Variants in DSE observed in about 807,000 individuals in gnomAD.
DSE encodes dermatan-sulfate epimerase.
In DSE, 36 loss-of-function variants were observed where a neutral mutation model predicts 84.4. That is an observed-to-expected ratio of 0.43 (90% CI 0.33 to 0.56). DSE has a LOEUF of 0.56. Among genes scored for constraint, DSE ranks in the 20% least tolerant of loss-of-function variants. The pLI is 0.06. For synonymous variants in DSE, 410 were observed against 430.1 expected (o/e 0.95, Z 0.58); for missense variants, 862 against 1,169.6 (o/e 0.74, Z 3.84).
At chr6:116,391,050 T>C (rs1345791783) in intron 1 of DSE, among the ~76,000 whole-genome samples, 1 of 152,214 alleles carries the variant, frequency 6.6e-6, no homozygotes, top group Non-Finnish European at 1.5e-5. Flanking sequence ...CCCTTCAGAC[T>C]TGACATCAGA....
At chr6:116,395,562 A>G (rs1562279063) in intron 1 of DSE, among the ~76,000 whole-genome samples, 2 of 152,180 alleles carry the variant, frequency 1.3e-5, no homozygotes, top group Admixed American at 1.3e-4. Flanking sequence ...AATTTTTGCC[A>G]TATCCATTTA....
chr6:116,298,916 A>G (rs1774826688), intron 2 of DSE, among the ~76,000 whole-genome samples: 1 of 152,178 alleles, frequency 6.6e-6, no homozygotes, highest in Non-Finnish European at 1.5e-5. Flanking sequence ...ATCGTTTTGG[A>G]TACCTCAGGC....
chr6:116,305,504 T>C (rs969565040), intron 2 of DSE, among the ~76,000 whole-genome samples: 4 of 152,220 alleles, frequency 2.6e-5, no homozygotes, highest in African/African-American at 4.8e-5. Context: ...TTAGGTCCTA[T>C]ACAAGAAAAA....
chr6:116,287,569 A>G (rs1166061467), intron 2 of DSE, among the ~76,000 whole-genome samples: 1 of 152,116 alleles, frequency 6.6e-6, no homozygotes, highest in Non-Finnish European at 1.5e-5. Flanking sequence ...TGGAAAGTTT[A>G]TTGCACATTA....
intron 2 of DSE, among the ~76,000 whole-genome samples, chr6:116,349,586 C>T (rs950195706): frequency 1.3e-5 from 2 of 152,172 alleles, no homozygotes; most frequent in Non-Finnish European, 2.9e-5. Flanking sequence ...CCCTGTTTAC[C>T]CACCTCAGAG....
At chr6:116,425,151 T>A (rs1783349835) in intron 2 of DSE, among the ~76,000 whole-genome samples, 2 of 152,242 alleles carry the variant, frequency 1.3e-5, no homozygotes, top group Non-Finnish European at 2.9e-5. Context: ...ATGTTGGTAT[T>A]TCATGCCTTA....
At chr6:116,365,522 G>C (rs912025682), upstream of DSE, among the ~76,000 whole-genome samples, 3 of 152,168 alleles carry the variant, frequency 2.0e-5, no homozygotes, top group Non-Finnish European at 4.4e-5. Context: ...CAAAGTGCTG[G>C]GATCACAGCC....
At chr6:116,311,645 C>T (rs891825533) in intron 2 of DSE, among the ~76,000 whole-genome samples, 20 of 152,154 alleles carry the variant, frequency 1.3e-4, no homozygotes, top group African/African-American at 4.8e-4. Flanking sequence ...AGTGAAAAGG[C>T]CTGTTGCAGA....
chr6:116,304,365 A>AT (rs142235013), intron 2 of DSE, among the ~76,000 whole-genome samples: 66,948 of 151,902 alleles, frequency 0.44, 16,472 homozygotes, highest in Non-Finnish European at 0.56. Flanking sequence ...TGAAATTCAG[A>AT]TTTTTTTGGA....
intron 2 of DSE, among the ~76,000 whole-genome samples, chr6:116,318,990 G>GA (rs1217264153): frequency 6.6e-6 from 1 of 151,994 alleles, no homozygotes; most frequent in Non-Finnish European, 1.5e-5. Context: ...TGAAACCATT[G>GA]AAAAAAATGC....
chr6:116,406,084 T>C (rs1781906887), intron 2 of DSE, among the ~76,000 whole-genome samples: 1 of 152,202 alleles, frequency 6.6e-6, no homozygotes, highest in African/African-American at 2.4e-5. Context: ...TAATTTTCTT[T>C]GTAAGATATG....
intron 2 of DSE, among the ~76,000 whole-genome samples, chr6:116,354,374 C>CT (rs1362698534): frequency 1.3e-5 from 2 of 152,108 alleles, no homozygotes; most frequent in Non-Finnish European, 2.9e-5. Flanking sequence ...GAGTCGGGCT[C>CT]TTTTTTCTGG....
intron 2 of DSE, among the ~76,000 whole-genome samples, chr6:116,323,897 C>G (rs1776471300): frequency 6.6e-6 from 1 of 152,204 alleles, no homozygotes; most frequent in South Asian, 2.1e-4. Flanking sequence ...TCCACTTCTA[C>G]CATCCTTCTT....
chr6:116,413,831 T>A (rs1016532460), intron 2 of DSE, among the ~76,000 whole-genome samples: 1 of 152,358 alleles, frequency 6.6e-6, no homozygotes, highest in South Asian at 2.1e-4. Flanking sequence ...CACTTTGGAT[T>A]TGATGTTTTC....
chr6:116,417,079 T>C (rs756824486), intron 2 of DSE, among the ~76,000 whole-genome samples: 9 of 152,226 alleles, frequency 5.9e-5, no homozygotes, highest in Admixed American at 1.3e-4. Context: ...AGTGTATTTT[T>C]AACCGTAGTC....
Position 116,439,431 on chromosome 6 carries a change from T to C in DSE, c.*2086T>C, listed in dbSNP as rs549070. 2 of 74,490 alleles carry C rather than the reference T, an allele frequency of 2.7e-5. No homozygotes were observed. The highest frequency in any genetic ancestry group is 7.6e-5 in the African/African-American group (2 of 26,470). 4.6% of individuals were successfully genotyped at this position (74,490 alleles called of 1,614,324 possible). On this transcript the variant is annotated 3_prime_UTR_variant, in exon 6 of 6. Transcript: ENST00000644252. ...AAACAAAATGAATTAAAATTATGTGTTTTTTTTTTTTCTTCTAATGAACCT... is the reference window on the plus strand; with the variant it reads ...AAACAAAATGAATTAAAATTATGTGCTTTTTTTTTTTCTTCTAATGAACCT...
chr6:116,398,758 G>A (rs1781405795), intron 1 of DSE, among the ~76,000 whole-genome samples: 1 of 152,206 alleles, frequency 6.6e-6, no homozygotes, highest in African/African-American at 2.4e-5. Flanking sequence ...AGTGAAAGAG[G>A]CTGTAGTAAG....
chr6:116,389,106 G>T (rs992547665), intron 1 of DSE, among the ~76,000 whole-genome samples: 2 of 152,116 alleles, frequency 1.3e-5, no homozygotes, highest in Non-Finnish European at 1.5e-5. Context: ...GACTGACCTC[G>T]ATGTTCTCAT....
chr6:116,406,839 A>AGTCGGGGGCCAGATCATTGCTTATCC (rs1781961155), intron 2 of DSE, among the ~76,000 whole-genome samples: 1 of 152,150 alleles, frequency 6.6e-6, no homozygotes, highest in Non-Finnish European at 1.5e-5. Flanking sequence ...GAGATACCAT[A>AGTCGGGGGCCAGATCATTGCTTATCC]GTCGGGGGCC....
Sources: allele counts gnomAD v4.1 joint callset (sites outside exome capture counted in the v4.1 genomes callset), GRCh38; gene constraint gnomAD v4.1.1; transcripts MANE v1.5; gene names NCBI Gene and HGNC (gene_info 2026-07-23, HGNC 2026-07-21).